AQR: variants seen among roughly 807,000 people sequenced by gnomAD.
The protein encoded by AQR is aquarius intron-binding spliceosomal factor, also known as RNA helicase aquarius.
AQR carries 61 observed loss-of-function variants against 180.5 expected under a neutral mutation model. The ratio of observed to expected loss-of-function variants is 0.34; its 90% CI spans 0.28 to 0.42. AQR has a LOEUF of 0.42. Among genes scored for constraint, AQR ranks in the 10% least tolerant of loss-of-function variants. The pLI is 1.00. For missense variants in AQR, 1,281 were observed against 1,798.3 expected (o/e 0.71, Z 5.20); for synonymous variants, 551 against 588.8 (o/e 0.94, Z 0.93).
chr15:34,869,443 T>G (rs1007569616), intron 31 of AQR: 12 of 152,146 alleles, frequency 7.9e-5, no homozygotes, highest in African/African-American at 2.9e-4. Context: ...TACCTGGGAA[T>G]TCTGTTGCCA....
At chr15:34,963,562 CAAAGAT>C (rs544573413) in intron 2 of AQR, among the ~76,000 whole-genome samples, 175 of 151,606 alleles carry the variant, frequency 1.2e-3, no homozygotes, top group Admixed American at 1.8e-3. Flanking sequence ...TGTATATTTA[CAAAGAT>C]ATTTATTACA....
At chr15:34,860,497 T>G (rs1180679705) in intron 33 of AQR, among the ~76,000 whole-genome samples, 4 of 152,084 alleles carry the variant, frequency 2.6e-5, no homozygotes, top group Admixed American at 6.5e-5. Flanking sequence ...TTGCCAGCTT[T>G]TAATATAATT....
chr15:34,937,228 G>A (rs35822461), intron 9 of AQR, among the ~76,000 whole-genome samples: 59,203 of 151,286 alleles, frequency 0.39, 14,399 homozygotes, highest in Non-Finnish European at 0.54. Context: ...TAGTAGAAAC[G>A]GGGTTTCACT....
intron 34 of AQR, among the ~76,000 whole-genome samples, chr15:34,858,158 A>G (rs926941922): frequency 5.9e-5 from 9 of 151,748 alleles, no homozygotes; most frequent in African/African-American, 2.2e-4. Flanking sequence ...TAATTTTTGT[A>G]TTTTTAGTAG....
At chr15:34,941,986 A>G (rs1894029715) in intron 7 of AQR, 26 bp downstream of exon 7, 13 of 1,576,772 alleles carry the variant, frequency 8.2e-6, no homozygotes, top group Non-Finnish European at 1.0e-5. Context: ...ACATACATTC[A>G]TAAGACTCTG....
At chr15:34,960,297 T>A (rs200828284) in intron 3 of AQR, among the ~76,000 whole-genome samples, 2 of 152,216 alleles carry the variant, frequency 1.3e-5, no homozygotes. Context: ...ACCATATACA[T>A]GAACCAGGGA....
At position 34,870,758 on chromosome 15, in the gene AQR, T is replaced by C; in HGVS notation, c.3762A>G (p.Pro1254=). ...RCGNNPLIGR[P]NKVTTVDRFQ... ...ATTATAATTATAAAAGTACCTTGTTTGGTCTTCCAATCAATGGATTGTTTC... is the reference window on the plus strand; with the variant it reads ...ATTATAATTATAAAAGTACCTTGTTCGGTCTTCCAATCAATGGATTGTTTC... Residue 1254 remains proline, a synonymous_variant, in exon 31 of 35, where the codon CCA becomes CCG. Coordinates refer to ENST00000156471, the MANE Select transcript of AQR (RefSeq NM_014691.3). The C allele has an allele frequency of 1.2e-6, 2 of 1,610,472 alleles. No homozygotes were observed. Among genetic ancestry groups the C allele is most frequent in the Non-Finnish European group, 8.5e-7 (1 of 1,178,528 alleles).
At chr15:34,919,792 G>A (rs1451249310) in intron 14 of AQR, among the ~76,000 whole-genome samples, 1 of 152,020 alleles carries the variant, frequency 6.6e-6, no homozygotes, top group East Asian at 1.9e-4. Flanking sequence ...CAGCTACTCG[G>A]GAAGATGAGG....
chr15:34,881,115 G>A (rs573416950), intron 27 of AQR, among the ~76,000 whole-genome samples: 1 of 152,192 alleles, frequency 6.6e-6, no homozygotes, highest in Admixed American at 6.5e-5. Context: ...GTTAATTATG[G>A]TTGCATTATT....
intron 32 of AQR, among the ~76,000 whole-genome samples, chr15:34,863,828 C>T (rs1470324351): frequency 2.0e-5 from 3 of 152,076 alleles, no homozygotes; most frequent in Non-Finnish European, 2.9e-5. Context: ...TGTAATTTCA[C>T]CTCACTATTA....
chr15:34,873,821 T>C lies in AQR; in HGVS notation c.3597+7A>G, dbSNP rs769389023. The C allele has an allele frequency of 6.4e-7, 1 of 1,551,604 alleles. No homozygotes were observed. The highest frequency in any genetic ancestry group is 1.2e-5 in the South Asian group (1 of 80,348). ...AATAAACTTATAAGCTTCCTATTTT[T>C]TCTTACCTGATAGAAGTAAGGATTA... On this transcript the variant is annotated splice_region_variant and intron_variant, in intron 30 of 34. Coordinates refer to ENST00000156471, the MANE Select transcript of AQR (RefSeq NM_014691.3).
At chr15:34,922,539 T>C (rs1382455300) in intron 13 of AQR, among the ~76,000 whole-genome samples, 3 of 151,934 alleles carry the variant, frequency 2.0e-5, no homozygotes, top group African/African-American at 7.2e-5. Flanking sequence ...ATATTATCCG[T>C]TTTGGGGTTG....
chr15:34,870,770 C>T lies in AQR; in HGVS notation c.3750G>A (p.Leu1250=), dbSNP rs2140461502. 6.2e-7 allele frequency: 1 copy of T among 1,611,434 alleles called. No individual in the cohort carries two copies. Among genetic ancestry groups the T allele is most frequent in the Non-Finnish European group, 8.5e-7 (1 of 1,178,844 alleles). The change falls in exon 31 of 35, where the codon TTG becomes TTA. Residue 1250 remains leucine (L), a synonymous_variant. Transcript: ENST00000156471. ...AAAGTACCTTGTTTGGTCTTCCAAT[C>T]AATGGATTGTTTCCACATCGTCTAT... The part of the protein sequence containing the change: ...IINRRCGNNP[L]IGRPNKVTTV...
intron 13 of AQR, 149 bp from the exon 14 acceptor site, chr15:34,920,583 T>C: frequency 1.6e-6 from 1 of 640,154 alleles, no homozygotes; most frequent in Admixed American, 3.1e-5. Context: ...ATTAAGGCTT[T>C]AGTGCAGGGT....
rs756962782 is a variant in AQR at position 34,893,657 on chromosome 15, A to G, written c.2571+6T>C. The G allele has an allele frequency of 1.3e-6, 2 of 1,592,714 alleles. No homozygotes were observed. Among genetic ancestry groups the G allele is most frequent in the South Asian group, 2.2e-5 (2 of 90,556 alleles). On this transcript the variant is annotated splice_donor_region_variant and intron_variant, in intron 23 of 34. Transcript: ENST00000156471. The stretch of plus-strand genomic sequence containing the variant: ...CACACACACACACACACACACAGTC[A>G]TTTACCTGATTGGAATGAGTAACAA...
At chr15:34,931,830 A>C (rs531190637) in intron 11 of AQR, among the ~76,000 whole-genome samples, 5 of 152,280 alleles carry the variant, frequency 3.3e-5, no homozygotes, top group East Asian at 1.9e-4. Context: ...AAAACAAAAC[A>C]AAACCAAAAG....
At chr15:34,948,567 GC>G (rs1294810877) in intron 4 of AQR, among the ~76,000 whole-genome samples, 183 bp from the exon 5 acceptor site, 4 of 152,180 alleles carry the variant, frequency 2.6e-5, no homozygotes, top group African/African-American at 9.6e-5. Context: ...ACTTTGGGAG[GC>G]CGAGACGGGT....
At chr15:34,887,036 A>G (rs543625712) in intron 24 of AQR, among the ~76,000 whole-genome samples, 6 of 152,084 alleles carry the variant, frequency 3.9e-5, no homozygotes, top group Admixed American at 3.9e-4. Context: ...GAGGCAAGAG[A>G]ATGGCGTGAA....
chr15:34,857,046 T>C lies in AQR; in HGVS notation c.4204A>G (p.Thr1402Ala), dbSNP rs761554059. The C allele has an allele frequency of 6.2e-7, 1 of 1,613,194 alleles. No individual in the cohort carries two copies. The highest frequency in any genetic ancestry group is 2.2e-5 in the East Asian group (1 of 44,860). Reference sequence around the variant, plus strand: ...GCCTCTTCTTCTGTTTCCAATTCTGTTTCTTGATTTTGAACTTCCTCACCC... The same window carrying C: ...GCCTCTTCTTCTGTTTCCAATTCTGCTTCTTGATTTTGAACTTCCTCACCC... Reference protein sequence around the residue: ...EEGEEVQNQETELETEEEAMT... With the variant: ...EEGEEVQNQEAELETEEEAMT... The change falls in exon 35 of 35, where the codon ACA becomes GCA. Residue 1402 changes from threonine (T) to alanine (A), a missense_variant. By Grantham distance (58) the Thr-to-Ala change is moderately conservative. Around this residue, in one of 9 missense-constraint regions of AQR, gnomAD observed 182 missense variants for 185.3 expected, o/e 0.98. Coordinates refer to ENST00000156471, the MANE Select transcript of AQR (RefSeq NM_014691.3).
Sources: allele counts gnomAD v4.1 joint callset (sites outside exome capture counted in the v4.1 genomes callset), GRCh38; gene constraint gnomAD v4.1.1; regional missense constraint gnomAD v4.1.1; transcripts MANE v1.5; gene names NCBI Gene and HGNC (gene_info 2026-07-23, HGNC 2026-07-21).